Variants in DHRS4L2 observed in about 807,000 individuals in gnomAD.
DHRS4L2 encodes dehydrogenase/reductase SDR family member 4-like 2.
In DHRS4L2, 22 loss-of-function variants were observed where a neutral mutation model predicts 23.9. The observed-to-expected ratio is 0.92, with a 90% CI of 0.66 to 1.31. The LOEUF is 1.31. Among genes scored for constraint, DHRS4L2 ranks in the 40% most tolerant of loss-of-function variants. The probability of loss-of-function intolerance (pLI) is 0.00; values close to 1 mark genes in which losing one functional copy is unlikely to be tolerated. For missense variants in DHRS4L2, 385 were observed against 303.3 expected (o/e 1.27, Z -2.00); for synonymous variants, 141 against 123.7 (o/e 1.14, Z -0.93).
chr14:23,971,453 C>CA (rs1319309466), intron 1 of DHRS4L2, among the ~76,000 whole-genome samples: 89 of 151,574 alleles, frequency 5.9e-4, no homozygotes, highest in African/African-American at 1.7e-3. Flanking sequence ...AGATTAGAGA[C>CA]AAAAAAATAA....
At position 24,004,335 on chromosome 14, in the gene DHRS4L2, A is replaced by C. The variant is rs376565755; in HGVS notation, c.666-2A>C. On this transcript the variant is annotated splice_acceptor_variant, in intron 6 of 7. Coordinates refer to ENST00000335125, the MANE Select transcript of DHRS4L2 (RefSeq NM_198083.4). LOFTEE classifies it high-confidence loss of function. ...ATAAAGAGATTTCCCTTCTTCCTAC[A>C]GCTCTGGATGGACAAGGAAAAAGAG... 1 of 1,602,414 alleles carries C rather than the reference A, an allele frequency of 6.2e-7. No individual in the cohort carries two copies. The highest frequency in any genetic ancestry group is 1.5e-5 in the African/African-American group (1 of 68,604).
chr14:23,993,373 A>T (rs1461439057), intron 2 of DHRS4L2, among the ~76,000 whole-genome samples: 2 of 151,744 alleles, frequency 1.3e-5, no homozygotes, highest in African/African-American at 4.8e-5. Flanking sequence ...TCCACTGTCT[A>T]GAAACAACTG....
chr14:23,976,329 A>G (rs2033963323), intron 1 of DHRS4L2, among the ~76,000 whole-genome samples: 2 of 151,984 alleles, frequency 1.3e-5, no homozygotes, highest in Admixed American at 6.5e-5. Flanking sequence ...GAAGACATTT[A>G]CACAGCCAAC....
At chr14:23,976,105 A>C (rs942505539) in intron 1 of DHRS4L2, among the ~76,000 whole-genome samples, 1 of 151,690 alleles carries the variant, frequency 6.6e-6, no homozygotes, top group Non-Finnish European at 1.5e-5. Flanking sequence ...AAATAGACTA[A>C]TGGGATCTAC....
At chr14:23,982,051 C>T (rs1594456641) in intron 1 of DHRS4L2, among the ~76,000 whole-genome samples, 1 of 132,438 alleles carries the variant, frequency 7.6e-6, no homozygotes, top group Non-Finnish European at 1.7e-5. Flanking sequence ...TTTATTAATC[C>T]TCCTCAGCAC....
intron 1 of DHRS4L2, among the ~76,000 whole-genome samples, chr14:23,976,115 C>T (rs2138509377): frequency 6.6e-6 from 1 of 151,474 alleles, no homozygotes; most frequent in Non-Finnish European, 1.5e-5. Context: ...ATGGGATCTA[C>T]CTAAACTAAA....
chr14:24,005,770 A>C, intron 7 of DHRS4L2, 116 bp from the exon 8 acceptor site: 1 of 1,542,354 alleles, frequency 6.5e-7, no homozygotes, highest in Non-Finnish European at 8.8e-7. Flanking sequence ...TTGTACACTG[A>C]TCCTGAAAAG....
At chr14:23,992,127 T>C (rs1356240063) in intron 2 of DHRS4L2, among the ~76,000 whole-genome samples, 1 of 151,432 alleles carries the variant, frequency 6.6e-6, no homozygotes, top group African/African-American at 2.4e-5. Context: ...TAAGAAGCCA[T>C]GTGAGGTTTT....
upstream of DHRS4L2, among the ~76,000 whole-genome samples, chr14:23,986,842 GT>G (rs2034154514): frequency 6.6e-6 from 1 of 151,542 alleles, no homozygotes; most frequent in Non-Finnish European, 1.5e-5. Context: ...CCTGGGAAGG[GT>G]TCCCACAGTG....
At chr14:23,981,042 G>A (rs1180464485) in intron 1 of DHRS4L2, among the ~76,000 whole-genome samples, 2 of 151,754 alleles carry the variant, frequency 1.3e-5, no homozygotes, top group Admixed American at 1.3e-4. Flanking sequence ...TGACATGATT[G>A]TATATTTAGA....
Position 24,001,085 on chromosome 14 carries a change from G to C in DHRS4L2, c.531+1G>C. 6.2e-7 allele frequency: 1 copy of C among 1,610,772 alleles called. No homozygotes were observed. On this transcript the variant is annotated splice_donor_variant, in intron 5 of 7. Coordinates refer to ENST00000335125, the MANE Select transcript of DHRS4L2 (RefSeq NM_198083.4). LOFTEE classifies it high-confidence loss of function. ...CATAGCAGCCTTCAGTCCATCTCCT[G>C]TAAGAACCCTTTTGTCTACCTCTTC...
At chr14:23,997,004 C>G (rs2034396684) in intron 3 of DHRS4L2, among the ~76,000 whole-genome samples, 1 of 150,706 alleles carries the variant, frequency 6.6e-6, no homozygotes, top group Non-Finnish European at 1.5e-5. Flanking sequence ...ATATGAAAGT[C>G]AGTTTTAAAC....
rs753291784 is a variant in DHRS4L2, at chr14:24,004,345, G to A, written c.674G>A (p.Trp225Ter). ...TTCCCTTCTTCCTACAGCTCTGGAT[G>A]GACAAGGAAAAAGAGGAAAGCATGA... ...SRLASAGCSG[W>*]TRKKRKA The change falls in exon 7 of 8, where the codon TGG (tryptophan) becomes TAG (stop). Residue 225 changes from tryptophan to a stop codon, truncating the protein, a stop_gained. Coordinates refer to ENST00000335125, the MANE Select transcript of DHRS4L2 (RefSeq NM_198083.4). LOFTEE classifies it high-confidence loss of function. The A allele has an allele frequency of 6.2e-7, 1 of 1,603,116 alleles. No homozygotes were observed. Among genetic ancestry groups the A allele is most frequent in the Non-Finnish European group, 8.5e-7 (1 of 1,178,498 alleles).
intron 1 of DHRS4L2, among the ~76,000 whole-genome samples, chr14:23,971,480 T>A (rs548484478): frequency 1.3e-5 from 2 of 151,944 alleles, no homozygotes; most frequent in South Asian, 4.2e-4. Flanking sequence ...AACATTCAAA[T>A]TCAGGAAATA....
At position 24,003,852 on chromosome 14, in the gene DHRS4L2, G is replaced by A. The variant is rs1318734377; in HGVS notation, c.666-485G>A. Among the ~76,000 whole-genome samples the A allele has an allele frequency of 4.6e-5, 3 of 64,676 alleles. 1 individual carries two copies. The highest frequency in any genetic ancestry group is 7.1e-5 in the Non-Finnish European group (3 of 42,532). 42.4% of individuals were successfully genotyped at this position (64,676 alleles called of 152,430 possible). ...TGATTTTGTATCCTGAGACTTTGCT[G>A]AAGTTGCTTATCAGCTTAAGGAGAT... is the stretch of plus-strand genomic sequence containing the variant. On this transcript the variant is annotated intron_variant, in intron 6 of 7. Coordinates refer to ENST00000335125, the MANE Select transcript of DHRS4L2 (RefSeq NM_198083.4).
chr14:23,997,971 A>G (rs1321748433), intron 3 of DHRS4L2, among the ~76,000 whole-genome samples: 2 of 151,784 alleles, frequency 1.3e-5, no homozygotes, highest in Non-Finnish European at 2.9e-5. Flanking sequence ...TACAAAATGT[A>G]TTTCTTAAAT....
In DHRS4L2 at chr14:23,988,953, G is replaced by C. The variant is rs2273946; in HGVS notation, c.6G>C (p.Gln2His). ...CAGACTTGCTGGTCTGATCCATGCA[G>C]ATGGCCAGGCTGCTAGGCCTCTGTG... MQMARLLGLCAW... is the reference protein window; with the variant it reads MHMARLLGLCAW... Residue 2 changes from glutamine (Q) to histidine (H), a missense_variant, in exon 1 of 8, where the codon CAG becomes CAC. Physicochemically the swap from Gln to His is conservative, Grantham distance 24 (BLOSUM62 0). Transcript: ENST00000335125. 0.39 allele frequency: 633,873 copies of C among 1,611,018 alleles called. 149,593 individuals are homozygous for C. Among genetic ancestry groups the C allele is most frequent in the African/African-American group, 0.89 (66,769 of 74,848 alleles).
intron 1 of DHRS4L2, among the ~76,000 whole-genome samples, chr14:23,980,318 TCAAA>T (rs1441956832): frequency 1.0e-3 from 86 of 85,754 alleles, no homozygotes; most frequent in Middle Eastern, 4.5e-3. Flanking sequence ...GCATGGCCTA[TCAAA>T]CAAAAAAAAG....
rs562407035 is a variant in DHRS4L2, at chr14:24,005,885, G to A, written c.*23-1G>A. 137 of 1,608,944 alleles carry A rather than the reference G, an allele frequency of 8.5e-5. 1 individual carries two copies. The highest frequency in any genetic ancestry group is 1.1e-4 in the Non-Finnish European group (127 of 1,177,880). On this transcript the variant is annotated splice_acceptor_variant, in intron 7 of 7. Coordinates refer to ENST00000335125, the MANE Select transcript of DHRS4L2 (RefSeq NM_198083.4). LOFTEE classifies it low-confidence loss of function (3UTR_SPLICE). ...CCTTCCTTGCTTCCCTTATTCCCCAGGTTAGGCGAGCCAGAGGATTGTGCT... is the reference window on the plus strand; with the variant it reads ...CCTTCCTTGCTTCCCTTATTCCCCAAGTTAGGCGAGCCAGAGGATTGTGCT...
Sources: gnomAD v4.1 joint callset for allele counts (sites outside exome capture counted in the v4.1 genomes callset) on GRCh38, gnomAD v4.1.1 for gene constraint, MANE v1.5 for transcripts, NCBI Gene and HGNC (gene_info 2026-07-23, HGNC 2026-07-21) for gene names.